DNAH17: variants seen among roughly 807,000 people sequenced by gnomAD.
DNAH17 encodes axonemal beta dynein heavy chain 17.
Under a neutral mutation model 485.6 loss-of-function variants are expected in DNAH17, and 376 were observed. The observed-to-expected ratio is 0.77, with a 90% CI of 0.71 to 0.84. The LOEUF (loss-of-function observed/expected upper bound fraction) is 0.84, where lower values mean the gene tolerates loss of function less well. Ranked by LOEUF, DNAH17 falls within the 40% of genes least tolerant of loss-of-function variation. DNAH17 has a pLI of 0.00. For missense variants in DNAH17, 6,370 were observed against 5,839.3 expected (o/e 1.09, Z -2.96); for synonymous variants, 3,031 against 2,405.9 (o/e 1.26, Z -7.60).
At chr17:78,552,649 T>C (rs745440949) in intron 15 of DNAH17, 48 bp downstream of exon 15, 13 of 1,386,592 alleles carry the variant, frequency 9.4e-6, no homozygotes, top group South Asian at 5.8e-5. Context: ...GCTGGGCAGG[T>C]TGGACTCCCA....
At position 78,461,628 on chromosome 17, in the gene DNAH17, C is replaced by T. The variant is rs923142957; in HGVS notation, c.9255G>A (p.Gln3085=). The T allele has an allele frequency of 3.7e-6, 6 of 1,611,584 alleles. No individual in the cohort carries two copies. The Admixed American group carries it at 6.7e-5, about 18-fold the overall frequency. The change falls in exon 58 of 81, where the codon CAG becomes CAA. Residue 3085 remains glutamine, a synonymous_variant. Transcript: ENST00000389840. ...CCTTCTCGGCCTCGATGCCGACCAC[C>T]TGGATCAGTTGGTCTGCGCTCTCAT... ...QKNESADQLI[Q]VVGIEAEKVS...
chr17:78,545,288 TTATTGCTTCA>T (rs1368193447), intron 16 of DNAH17, among the ~76,000 whole-genome samples: 4 of 152,230 alleles, frequency 2.6e-5, no homozygotes, highest in Non-Finnish European at 5.9e-5. Flanking sequence ...ATTAGCAGTT[TTATTGCTTCA>T]TGGTCAGAAA....
intron 74 of DNAH17, among the ~76,000 whole-genome samples, chr17:78,436,900 T>A (rs1374082815): frequency 6.6e-6 from 1 of 151,934 alleles, no homozygotes; most frequent in Non-Finnish European, 1.5e-5. Context: ...AGGAAGGCTG[T>A]GGAGAAGGCT....
At position 78,428,590 on chromosome 17, in the gene DNAH17, C is replaced by T; in HGVS notation, c.12523G>A (p.Val4175Ile). The T allele has an allele frequency of 6.2e-7, 1 of 1,613,946 alleles. No individual in the cohort carries two copies. Among genetic ancestry groups the T allele is most frequent in the Middle Eastern group, 1.6e-4 (1 of 6,062 alleles). ...TVTSEKLFRTVLEMQPKETDS... is the reference protein window; with the variant it reads ...TVTSEKLFRTILEMQPKETDS... ...GTCTCTTTTGGCTGCATTTCCAGGA[C>T]AGTGCGGAACAGCTTCTCTGAGGTG... is the stretch of plus-strand genomic sequence containing the variant. The change falls in exon 77 of 81, where the codon GTC (valine) becomes ATC (isoleucine). Residue 4175 changes from valine to isoleucine, a missense_variant. Coordinates refer to ENST00000389840, the MANE Select transcript of DNAH17 (RefSeq NM_173628.4).
rs930030659 is a variant in DNAH17 at position 78,575,199 on chromosome 17, C to T, written c.-25-117G>A. ...CCGGAGCAGGAACAAAACAGTTGGTCGAGAGTGTGCAGTTTTTAGCTGTGG... is the reference window on the plus strand; with the variant it reads ...CCGGAGCAGGAACAAAACAGTTGGTTGAGAGTGTGCAGTTTTTAGCTGTGG... On this transcript the variant is annotated intron_variant, in intron 1 of 80. Coordinates refer to ENST00000389840, the MANE Select transcript of DNAH17 (RefSeq NM_173628.4). 1.8e-4 allele frequency: 139 copies of T among 755,460 alleles called. No homozygotes were observed. The Admixed American group carries it at 2.3e-3, about 13-fold the overall frequency. The allele number at this position is 755,460 out of a possible 1,614,324, so 46.8% of individuals were successfully genotyped here.
intron 25 of DNAH17, chr17:78,522,947 G>A (rs972567373): frequency 6.5e-6 from 1 of 155,038 alleles, no homozygotes; most frequent in Non-Finnish European, 1.4e-5. Context: ...TCCACCTCCT[G>A]GGCTCAAGTG....
Position 78,531,634 on chromosome 17 carries a change from G to A in DNAH17, c.3114+848C>T, listed in dbSNP as rs151128131. 2.0e-4 allele frequency among the ~76,000 whole-genome samples: 31 copies of A among 152,148 alleles called. 1 individual carries two copies. The East Asian group carries it at 3.1e-3, about 15-fold the overall frequency. On this transcript the variant is annotated intron_variant, in intron 20 of 80. Transcript: ENST00000389840. The stretch of plus-strand genomic sequence containing the variant: ...ATCACAGGCGTGAGCCACCACGCCC[G>A]GCCGACATAAAGTCTGTCTTATCTG...
intron 19 of DNAH17, among the ~76,000 whole-genome samples, chr17:78,534,075 A>G (rs11653966): frequency 0.2 from 30,344 of 152,240 alleles, 4,015 homozygotes; most frequent in Non-Finnish European, 0.28. Context: ...TCTTTGAGAT[A>G]GCAAAAGGCT....
At chr17:78,501,393 G>C (rs535061738) in intron 34 of DNAH17, 49 bp from the exon 35 acceptor site, 2 of 1,547,312 alleles carry the variant, frequency 1.3e-6, no homozygotes, top group East Asian at 2.3e-5. Context: ...ACAAGAGCTA[G>C]GGCTGCCTAA....
At chr17:78,527,533 T>C (rs1368867883) in intron 22 of DNAH17, among the ~76,000 whole-genome samples, 1 of 151,214 alleles carries the variant, frequency 6.6e-6, no homozygotes, top group Non-Finnish European at 1.5e-5. Flanking sequence ...GGGTGTGGTC[T>C]CCCATGCAAT....
Position 78,527,016 on chromosome 17 carries a change from A to C in DNAH17, c.3508-20T>G. On this transcript the variant is annotated intron_variant, in intron 22 of 80. Transcript: ENST00000389840. ...CAGCTCCTGCGGGAAGCAAAGGCAG[A>C]GGAGGGCTCCTTTCTCATTTCTTTT... 2 of 1,525,636 alleles carry C rather than the reference A, an allele frequency of 1.3e-6. No individual in the cohort carries two copies. The highest frequency in any genetic ancestry group is 1.8e-6 in the Non-Finnish European group (2 of 1,128,342). 94.5% of individuals were successfully genotyped at this position (1,525,636 alleles called of 1,614,324 possible). A position where few individuals can be genotyped will look rare whatever the true frequency, so the allele number is the denominator to read the frequency against.
At chr17:78,460,108 G>A (rs1458778370) in intron 59 of DNAH17, 54 bp downstream of exon 59, 3 of 1,579,440 alleles carry the variant, frequency 1.9e-6, no homozygotes, top group Non-Finnish European at 2.6e-6. Context: ...AACAGCGAAG[G>A]CAGCTTCCTC....
At chr17:78,476,821 C>A in intron 51 of DNAH17, 88 bp from the exon 52 acceptor site, 2 of 1,471,232 alleles carry the variant, frequency 1.4e-6, no homozygotes, top group Non-Finnish European at 1.8e-6. Context: ...GAGCAGCCCC[C>A]TCCCCCGGGG....
intron 19 of DNAH17, among the ~76,000 whole-genome samples, chr17:78,535,991 C>T (rs1452786358): frequency 6.6e-6 from 1 of 152,138 alleles, no homozygotes; most frequent in African/African-American, 2.4e-5. Context: ...AAGCGGGGAG[C>T]TGAATTTCCC....
At chr17:78,554,163 G>A (rs2091968790) in intron 14 of DNAH17, among the ~76,000 whole-genome samples, 4 of 152,100 alleles carry the variant, frequency 2.6e-5, no homozygotes, top group Admixed American at 2.0e-4. Context: ...AGTTGTTAAT[G>A]GATCAGTGTT....
At chr17:78,455,421 G>T (rs1054029165) in intron 63 of DNAH17, among the ~76,000 whole-genome samples, 8 of 151,226 alleles carry the variant, frequency 5.3e-5, no homozygotes, top group African/African-American at 1.9e-4. Context: ...CGCCTCCAAG[G>T]TTCAAGTGAT....
chr17:78,453,285 AGGCCTCG>A, intron 65 of DNAH17, 51 bp downstream of exon 65: 1 of 1,594,132 alleles, frequency 6.3e-7, no homozygotes. Flanking sequence ...GCACACGCCC[AGGCCTCG>A]GGCCTGAAGA....
Position 78,451,568 on chromosome 17 carries a change from C to T in DNAH17, c.10635G>A (p.Gln3545=). ...NPHYKPEMQA[Q]CTLINFLVTR... ...TGACCAGGAAGTTGATGAGGGTGCA[C>T]TGAGCCTGCATCTCTGGCTTGTAGT... The change falls in exon 66 of 81, where the codon CAG becomes CAA. Residue 3545 remains glutamine (Q), a synonymous_variant. Coordinates refer to ENST00000389840, the MANE Select transcript of DNAH17 (RefSeq NM_173628.4). 6.2e-7 allele frequency: 1 copy of T among 1,613,692 alleles called. No individual in the cohort carries two copies. The highest frequency in any genetic ancestry group is 1.1e-5 in the South Asian group (1 of 91,074).
At chr17:78,530,706 CCA>C (rs1451350525) in intron 20 of DNAH17, among the ~76,000 whole-genome samples, 194 bp from the exon 21 acceptor site, 1 of 152,098 alleles carries the variant, frequency 6.6e-6, no homozygotes, top group Non-Finnish European at 1.5e-5. Context: ...CCTTCCAGCC[CCA>C]GAGTCTAGCC....
Sources: allele counts gnomAD v4.1 joint callset (sites outside exome capture counted in the v4.1 genomes callset), GRCh38; gene constraint gnomAD v4.1.1; transcripts MANE v1.5; gene names NCBI Gene and HGNC (gene_info 2026-07-23, HGNC 2026-07-21).